Variants in EYS observed in about 807,000 individuals in gnomAD.
EYS encodes the protein EGF-like photoreceptor maintenance factor.
Under a neutral mutation model 282.1 loss-of-function variants are expected in EYS, and 250 were observed. The observed-to-expected ratio is 0.89, with a 90% CI of 0.80 to 0.98. EYS has a LOEUF of 0.98. Ranked by LOEUF, EYS falls within the 50% of genes least tolerant of loss-of-function variation. EYS has a pLI of 0.00. For synonymous variants in EYS, 1,355 were observed against 1,282.9 expected (o/e 1.06, Z -1.20); for missense variants, 4,016 against 3,709.0 (o/e 1.08, Z -2.15).
chr6:65,334,268 A>G (rs575275878), intron 11 of EYS, among the ~76,000 whole-genome samples: 1 of 151,248 alleles, frequency 6.6e-6, no homozygotes, highest in East Asian at 2.0e-4. Context: ...ATTTTATTGT[A>G]TTTATTTTCT....
chr6:65,232,382 A>T (rs1427829119), intron 12 of EYS, among the ~76,000 whole-genome samples: 4 of 152,104 alleles, frequency 2.6e-5, no homozygotes, highest in Non-Finnish European at 4.4e-5. Flanking sequence ...TACTGTATTA[A>T]TGGACTCCTC....
In EYS at chr6:65,185,596, G is replaced by A. The variant is rs567435430; in HGVS notation, c.2023+110267C>T. On this transcript the variant is annotated intron_variant, in intron 12 of 42. Transcript: ENST00000503581. The stretch of plus-strand genomic sequence containing the variant: ...ATAATTTTTCTTGGCTGTTTCCAGC[G>A]TGTAACCTACCTTACTTTAATTTCA... Among the ~76,000 whole-genome samples, 6 of 151,836 alleles carry A rather than the reference G, an allele frequency of 4.0e-5. No individual in the cohort carries two copies. The South Asian group carries it at 1.0e-3, about 26-fold the overall frequency.
intron 26 of EYS, among the ~76,000 whole-genome samples, chr6:64,519,871 T>C (rs1777677018): frequency 6.6e-6 from 1 of 151,820 alleles, no homozygotes; most frequent in African/African-American, 2.4e-5. Context: ...GTTGGAATTT[T>C]TATAAAAGGG....
intron 35 of EYS, among the ~76,000 whole-genome samples, chr6:63,939,915 C>A (rs1028170121): frequency 2.0e-5 from 3 of 152,176 alleles, no homozygotes; most frequent in Non-Finnish European, 4.4e-5. Flanking sequence ...TAAATTATAA[C>A]TGCATTAAAT....
At chr6:64,457,628 G>A (rs1055216412) in intron 26 of EYS, among the ~76,000 whole-genome samples, 2 of 151,858 alleles carry the variant, frequency 1.3e-5, no homozygotes, top group East Asian at 1.9e-4. Flanking sequence ...TCTTTTTAAC[G>A]TCATTTTTGA....
rs1388177618 is a variant in EYS at position 65,495,315 on chromosome 6, C to T, written c.96G>A (p.Trp32Ter). Reference sequence around the variant, plus strand: ...CCACATATGATGAGGGTTGTGGATGCCATTCTTCCACCAATTGCCGTCTAC... The same window carrying T: ...CCACATATGATGAGGGTTGTGGATGTCATTCTTCCACCAATTGCCGTCTAC... ...KTCRRQLVEE[W>*]HPQPSSYVVN... Residue 32 changes from tryptophan to a stop codon, truncating the protein, a stop_gained, in exon 4 of 43, where the codon TGG (tryptophan) becomes TGA (stop). Coordinates refer to ENST00000503581, the MANE Select transcript of EYS (RefSeq NM_001142800.2). LOFTEE classifies it high-confidence loss of function. 3 of 1,613,812 alleles carry T rather than the reference C, an allele frequency of 1.9e-6. No individual in the cohort carries two copies. Among genetic ancestry groups the T allele is most frequent in the Non-Finnish European group, 2.5e-6 (3 of 1,179,988 alleles).
At chr6:63,894,948 A>C (rs1304165437) in intron 35 of EYS, among the ~76,000 whole-genome samples, 1 of 152,054 alleles carries the variant, frequency 6.6e-6, no homozygotes, top group Non-Finnish European at 1.5e-5. Flanking sequence ...CCAGAAAACT[A>C]ATACAGCATC....
At chr6:65,510,386 G>T (rs371507414) in intron 2 of EYS, among the ~76,000 whole-genome samples, 2 of 151,908 alleles carry the variant, frequency 1.3e-5, no homozygotes, top group African/African-American at 4.8e-5. Flanking sequence ...TGGTGTATAT[G>T]TGCCAGATTT....
chr6:65,130,490 G>A (rs1775838248), intron 12 of EYS, among the ~76,000 whole-genome samples: 1 of 151,858 alleles, frequency 6.6e-6, no homozygotes, highest in Non-Finnish European at 1.5e-5. Context: ...AAAAGATCAT[G>A]TCCTTTGTAG....
chr6:65,477,643 C>T (rs1463571589), intron 5 of EYS, among the ~76,000 whole-genome samples: 1 of 152,136 alleles, frequency 6.6e-6, no homozygotes, highest in Non-Finnish European at 1.5e-5. Context: ...GCAGTTATTA[C>T]ATTTTTTTCA....
chr6:65,475,317 G>T (rs1408711488), intron 5 of EYS, among the ~76,000 whole-genome samples: 1 of 152,036 alleles, frequency 6.6e-6, no homozygotes, highest in Non-Finnish European at 1.5e-5. Flanking sequence ...AGATAAAAGA[G>T]CTACTGCTTT....
rs544967657 is a variant in EYS at position 64,545,908 on chromosome 6, G to A, written c.5644+44315C>T. Among the ~76,000 whole-genome samples the A allele has an allele frequency of 7.2e-5, 11 of 152,232 alleles. No individual in the cohort carries two copies. In the East Asian group the frequency reaches 1.5e-3, roughly 21 times the overall value. ...AATGGAAGAACATTCCATGCTCATGGGTAGGAAAAATCAATATCGTGAAAA... is the reference window on the plus strand; with the variant it reads ...AATGGAAGAACATTCCATGCTCATGAGTAGGAAAAATCAATATCGTGAAAA... On this transcript the variant is annotated intron_variant, in intron 26 of 42. Coordinates refer to ENST00000503581, the MANE Select transcript of EYS (RefSeq NM_001142800.2).
At chr6:65,386,796 A>G (rs1316207390) in intron 7 of EYS, among the ~76,000 whole-genome samples, 2 of 151,942 alleles carry the variant, frequency 1.3e-5, no homozygotes, top group Non-Finnish European at 2.9e-5. Context: ...ACAGGGGGAG[A>G]GAAAAGGAAG....
intron 14 of EYS, among the ~76,000 whole-genome samples, chr6:64,997,337 A>G (rs1404399200): frequency 6.6e-6 from 1 of 152,208 alleles, no homozygotes; most frequent in South Asian, 2.1e-4. Context: ...TGTGAATCCA[A>G]TAAGTGAACA....
intron 35 of EYS, among the ~76,000 whole-genome samples, chr6:63,966,262 G>A (rs1407694974): frequency 6.6e-6 from 1 of 152,138 alleles, no homozygotes; most frequent in Non-Finnish European, 1.5e-5. Flanking sequence ...AGTAGCTCAG[G>A]AATAGAAAAC....
intron 22 of EYS, among the ~76,000 whole-genome samples, chr6:64,729,546 C>T (rs1342900504): frequency 1.3e-5 from 2 of 152,124 alleles, no homozygotes; most frequent in Non-Finnish European, 2.9e-5. Context: ...GAATGTAGTT[C>T]ACAGCTAGAA....
At chr6:65,438,293 T>C (rs1333380992) in intron 5 of EYS, among the ~76,000 whole-genome samples, 1 of 152,026 alleles carries the variant, frequency 6.6e-6, no homozygotes, top group Non-Finnish European at 1.5e-5. Flanking sequence ...TCTTTGCTAT[T>C]GTGAATAGTG....
At chr6:65,409,421 A>G (rs745473307) in intron 5 of EYS, among the ~76,000 whole-genome samples, 14 of 152,212 alleles carry the variant, frequency 9.2e-5, no homozygotes, top group Non-Finnish European at 1.9e-4. Flanking sequence ...CCATAGTGAC[A>G]TTAAAACGTA....
At chr6:64,707,663 C>CAAAAAAAAAA (rs59172308) in intron 22 of EYS, among the ~76,000 whole-genome samples, 1 of 101,006 alleles carries the variant, frequency 9.9e-6, no homozygotes. Context: ...AGACTCGTAT[C>CAAAAAAAAAA]AAAAAAAAAA....
Sources: allele counts gnomAD v4.1 joint callset (sites outside exome capture counted in the v4.1 genomes callset), GRCh38; gene constraint gnomAD v4.1.1; transcripts MANE v1.5; gene names NCBI Gene and HGNC (gene_info 2026-07-23, HGNC 2026-07-21).